Variants in ANLN observed in about 807,000 individuals in gnomAD.
ANLN encodes anillin, actin binding protein, also known as anillin.
ANLN carries 59 observed loss-of-function variants against 135.1 expected under a neutral mutation model. That is an observed-to-expected ratio of 0.44 (90% CI 0.35 to 0.54). The LOEUF is 0.54. Ranked by LOEUF, ANLN falls within the 20% of genes least tolerant of loss-of-function variation. The pLI, the probability that ANLN is intolerant of heterozygous loss-of-function variation, is 0.00. For missense variants in ANLN, 1,182 were observed against 1,340.0 expected, an observed-to-expected ratio of 0.88 and a Z score of 1.84; for synonymous variants, 406 against 456.4, an observed-to-expected ratio of 0.89 and a Z score of 1.41.
chr7:36,419,728 GCTGA>G (rs1440330626), intron 10 of ANLN, among the ~76,000 whole-genome samples: 1 of 152,212 alleles, frequency 6.6e-6, no homozygotes, highest in Non-Finnish European at 1.5e-5. Flanking sequence ...TCTGCCATTT[GCTGA>G]CTGTTTATTG....
chr7:36,396,286 T>C lies in ANLN; in HGVS notation c.39T>C (p.Arg13=). ...PFTEKLLERT[R]ARRENLQRKM... ...TGTAGAAACTGCTGGAGCGAACCCG[T>C]GCCAGGCGAGAGAATCTTCAGAGAA... Residue 13 remains arginine (R), a synonymous_variant, in exon 2 of 24, where the codon CGT becomes CGC. Coordinates refer to ENST00000265748, the MANE Select transcript of ANLN (RefSeq NM_018685.5). 1.2e-6 allele frequency: 2 copies of C among 1,606,372 alleles called. No individual in the cohort carries two copies. The highest frequency in any genetic ancestry group is 1.7e-6 in the Non-Finnish European group (2 of 1,174,514).
chr7:36,424,158 G>A (rs1211491054), intron 15 of ANLN, among the ~76,000 whole-genome samples: 1 of 151,926 alleles, frequency 6.6e-6, no homozygotes, highest in Non-Finnish European at 1.5e-5. Flanking sequence ...ATGACTGTAG[G>A]TATTACATAT....
intron 5 of ANLN, among the ~76,000 whole-genome samples, chr7:36,409,121 T>G (rs1787308197): frequency 6.6e-6 from 1 of 152,240 alleles, no homozygotes; most frequent in Admixed American, 6.5e-5. Context: ...CCAGATGGAA[T>G]AGGACTAGTT....
chr7:36,399,058 T>C (rs1199433037), intron 2 of ANLN, 21 bp from the exon 3 acceptor site: 1 of 1,567,356 alleles, frequency 6.4e-7, no homozygotes, highest in Non-Finnish European at 8.6e-7. Flanking sequence ...TGAATGTCTT[T>C]TTTCATCGTT....
chr7:36,451,425 A>C lies in ANLN; in HGVS notation c.3252-1052A>C, dbSNP rs183539989. On this transcript the variant is annotated intron_variant, in intron 23 of 23. Transcript: ENST00000265748. ...ACTTAAGTTTAAATCCTGACTCATC[A>C]AATGTAACCATGGCAGGTCACTTAA... Among the ~76,000 whole-genome samples, 670 of 152,368 alleles carry C rather than the reference A, an allele frequency of 4.4e-3. 4 individuals are homozygous for C. The highest frequency in any genetic ancestry group is 5.3e-3 in the Non-Finnish European group (361 of 68,034).
intron 1 of ANLN, among the ~76,000 whole-genome samples, chr7:36,394,116 A>G (rs1030787373): frequency 1.3e-5 from 2 of 152,150 alleles, no homozygotes; most frequent in African/African-American, 4.8e-5. Flanking sequence ...GATGTGCCCC[A>G]CCATGCCTGG....
chr7:36,422,047 A>C, intron 13 of ANLN, 55 bp downstream of exon 13: 88 of 1,566,144 alleles, frequency 5.6e-5, no homozygotes, highest in Non-Finnish European at 6.7e-5. Flanking sequence ...GGGAAAACTC[A>C]TTTTGATATT....
intron 8 of ANLN, among the ~76,000 whole-genome samples, chr7:36,416,658 A>G (rs921485905): frequency 6.6e-6 from 1 of 152,160 alleles, no homozygotes; most frequent in Non-Finnish European, 1.5e-5. Context: ...TATGTATGGT[A>G]TGATCACAAA....
chr7:36,437,850 C>T (rs931169283), intron 20 of ANLN, among the ~76,000 whole-genome samples: 2 of 152,150 alleles, frequency 1.3e-5, no homozygotes, highest in Non-Finnish European at 2.9e-5. Context: ...TGGCACACTG[C>T]AACCTCTGCC....
rs1328545703 is a variant in ANLN, at chr7:36,453,065, A to G, written c.*465A>G. 1.3e-5 allele frequency: 2 copies of G among 152,736 alleles called. No individual in the cohort carries two copies. Among genetic ancestry groups the G allele is most frequent in the African/African-American group, 4.8e-5 (2 of 41,438 alleles). The allele number at this position is 152,736 out of a possible 1,614,324, so 9.5% of individuals were successfully genotyped here. On this transcript the variant is annotated 3_prime_UTR_variant, in exon 24 of 24. Coordinates refer to ENST00000265748, the MANE Select transcript of ANLN (RefSeq NM_018685.5). ...TACTAGGGTACTGAAAAAAATGTCT[A>G]AGGCCTTTACAGAAACATTTTTAGT...
intron 20 of ANLN, among the ~76,000 whole-genome samples, chr7:36,433,922 T>A (rs1209439645): frequency 6.6e-6 from 1 of 152,174 alleles, no homozygotes; most frequent in African/African-American, 2.4e-5. Context: ...TCACTAATTT[T>A]TCTCCATCTT....
chr7:36,412,780 G>A (rs901888701), intron 7 of ANLN, among the ~76,000 whole-genome samples: 1 of 152,134 alleles, frequency 6.6e-6, no homozygotes, highest in Admixed American at 6.5e-5. Context: ...CTCCTCCACA[G>A]GTATGCTTCA....
intron 21 of ANLN, among the ~76,000 whole-genome samples, chr7:36,439,739 C>T (rs942837570): frequency 1.3e-5 from 2 of 152,074 alleles, no homozygotes; most frequent in Non-Finnish European, 2.9e-5. Context: ...GTCACTCCTA[C>T]CCAAAGAAAA....
At chr7:36,412,325 A>AT (rs1461965596) in intron 7 of ANLN, among the ~76,000 whole-genome samples, 39 of 109,600 alleles carry the variant, frequency 3.6e-4, no homozygotes, top group African/African-American at 1.2e-3. Flanking sequence ...ATATATATAT[A>AT]TATTTTTTTT....
chr7:36,414,835 T>A lies in ANLN; in HGVS notation c.1396-923T>A, dbSNP rs551178106. ...GACCTGGAACAAGAGTACCTGGGTT[T>A]GTATACTGGCTCTGCCAGTCACTAA... On this transcript the variant is annotated intron_variant, in intron 7 of 23. Transcript: ENST00000265748. Among the ~76,000 whole-genome samples the A allele has an allele frequency of 5.3e-5, 8 of 152,374 alleles. No homozygotes were observed. The East Asian group carries it at 1.5e-3, about 29-fold the overall frequency.
chr7:36,423,880 C>T lies in ANLN; in HGVS notation c.2540C>T (p.Pro847Leu). ...GGAGCTGAAAATATGGTAGCCACAC[C>T]ATTAGCAAGTACTTCAAACTCTCTT... ...KAGAENMVAT[P>L]LASTSNSLNG... Residue 847 changes from proline (P) to leucine (L), a missense_variant, in exon 15 of 24, where the codon CCA becomes CTA. Around this residue, in one of 3 missense-constraint regions of ANLN, gnomAD observed 1,022 missense variants for 1,134.0 expected, o/e 0.90. Transcript: ENST00000265748. The T allele has an allele frequency of 6.2e-7, 1 of 1,612,582 alleles. No individual in the cohort carries two copies. The highest frequency in any genetic ancestry group is 8.5e-7 in the Non-Finnish European group (1 of 1,179,156).
intron 7 of ANLN, among the ~76,000 whole-genome samples, chr7:36,415,502 T>C (rs926146055): frequency 6.6e-6 from 1 of 152,156 alleles, no homozygotes; most frequent in African/African-American, 2.4e-5. Flanking sequence ...AGCCCTGATA[T>C]GAATTTTCAT....
rs749609570 is a variant in ANLN at position 36,427,061 on chromosome 7, T to G, written c.2883+33T>G. 8.9e-5 allele frequency: 124 copies of G among 1,395,548 alleles called. 1 individual carries two copies. The Admixed American group carries it at 9.2e-4, about 10-fold the overall frequency. The allele number at this position is 1,395,548 out of a possible 1,614,324, so 86.4% of individuals were successfully genotyped here. A position where few individuals can be genotyped will look rare whatever the true frequency, so the allele number is the denominator to read the frequency against. On this transcript the variant is annotated intron_variant, in intron 20 of 23. Transcript: ENST00000265748. ...AACTTTATTTCTAAGGGTGTGGTGT[T>G]TTTTTTTTAATCTTAGAAAAATTAG...
intron 15 of ANLN, 151 bp from the exon 16 acceptor site, chr7:36,424,394 G>C (rs1787997661): frequency 1.9e-6 from 1 of 539,054 alleles, no homozygotes; most frequent in Admixed American, 3.8e-5. Flanking sequence ...TGCATTATAG[G>C]GAAAAAATAG....
Sources: allele counts gnomAD v4.1 joint callset (sites outside exome capture counted in the v4.1 genomes callset), GRCh38; gene constraint gnomAD v4.1.1; regional missense constraint gnomAD v4.1.1; transcripts MANE v1.5; gene names NCBI Gene and HGNC (gene_info 2026-07-23, HGNC 2026-07-21).